TCF4: variants seen among roughly 807,000 people sequenced by gnomAD.
TCF4 encodes the protein transcription factor 4.
TCF4 carries 3 observed loss-of-function variants against 82.1 expected under a neutral mutation model. That is an observed-to-expected ratio of 0.04 (90% CI 0.02 to 0.09). TCF4 has a LOEUF of 0.09. Ranked by LOEUF, TCF4 falls within the 10% of genes least tolerant of loss-of-function variation. The probability of loss-of-function intolerance (pLI) is 1.00; values close to 1 mark genes in which losing one functional copy is unlikely to be tolerated. For synonymous variants in TCF4, 276 were observed against 309.6 expected, an observed-to-expected ratio of 0.89 and a Z score of 1.14; for missense variants, 518 against 852.7, an observed-to-expected ratio of 0.61 and a Z score of 4.89.
intron 3 of TCF4, among the ~76,000 whole-genome samples, chr18:55,479,799 C>A (rs2145495881): frequency 6.6e-6 from 1 of 152,270 alleles, no homozygotes; most frequent in East Asian, 1.9e-4. Flanking sequence ...ATTGTTTGTT[C>A]CAGCAATTAG....
chr18:55,393,472 C>A (rs2093304209), intron 6 of TCF4, among the ~76,000 whole-genome samples: 1 of 152,152 alleles, frequency 6.6e-6, no homozygotes, highest in Non-Finnish European at 1.5e-5. Context: ...ACTTCCTATT[C>A]TACCATTATG....
intron 2 of TCF4, among the ~76,000 whole-genome samples, chr18:55,597,876 A>C (rs1441390362): frequency 6.6e-6 from 1 of 152,118 alleles, no homozygotes; most frequent in Non-Finnish European, 1.5e-5. Flanking sequence ...TCCTCTCCTA[A>C]AGGAAGTCTT....
chr18:55,573,053 CA>C (rs886743445), intron 3 of TCF4, among the ~76,000 whole-genome samples: 123 of 135,892 alleles, frequency 9.1e-4, no homozygotes, highest in Non-Finnish European at 1.1e-3. Flanking sequence ...AACTCCGTCT[CA>C]AAAAAAAAAA....
chr18:55,354,416 C>A (rs1483332419), intron 6 of TCF4, among the ~76,000 whole-genome samples: 1 of 152,162 alleles, frequency 6.6e-6, no homozygotes, highest in Non-Finnish European at 1.5e-5. Flanking sequence ...AACCCTGCCC[C>A]CATTCCTTTT....
At chr18:55,261,005 G>A (rs942885610) in intron 12 of TCF4, 1 of 159,082 alleles carries the variant, frequency 6.3e-6, no homozygotes, top group Non-Finnish European at 1.4e-5. Flanking sequence ...GGTGGGCAAA[G>A]CAGAGAAGCT....
intron 8 of TCF4, among the ~76,000 whole-genome samples, chr18:55,344,156 A>T (rs1260866517): frequency 6.6e-6 from 1 of 152,188 alleles, no homozygotes; most frequent in Non-Finnish European, 1.5e-5. Flanking sequence ...CATTACTTTC[A>T]ATGAAAACCT....
At chr18:55,263,069 G>T (rs777416399) in intron 11 of TCF4, among the ~76,000 whole-genome samples, 1 of 152,132 alleles carries the variant, frequency 6.6e-6, no homozygotes, top group Non-Finnish European at 1.5e-5. Flanking sequence ...CTCCCAAAGT[G>T]CTGGGATTAC....
intron 6 of TCF4, among the ~76,000 whole-genome samples, chr18:55,388,176 G>A (rs551020176): frequency 4.6e-5 from 7 of 152,332 alleles, no homozygotes; most frequent in African/African-American, 1.4e-4. Flanking sequence ...AAGTAAACAT[G>A]AAGAGGAAAA....
chr18:55,577,144 A>G (rs2097535880), intron 3 of TCF4, among the ~76,000 whole-genome samples: 1 of 146,132 alleles, frequency 6.8e-6, no homozygotes, highest in Non-Finnish European at 1.5e-5. Flanking sequence ...ATATACATTT[A>G]TATATTTATA....
intron 6 of TCF4, among the ~76,000 whole-genome samples, chr18:55,381,451 G>A (rs1430365236): frequency 1.3e-5 from 2 of 152,220 alleles, no homozygotes; most frequent in Non-Finnish European, 2.9e-5. Context: ...TGCAATAGCT[G>A]AGCCTGCTGC....
chr18:55,360,625 T>C (rs1290937204), intron 6 of TCF4, among the ~76,000 whole-genome samples: 1 of 151,920 alleles, frequency 6.6e-6, no homozygotes, highest in Non-Finnish European at 1.5e-5. Flanking sequence ...CAACCATACA[T>C]AATATGTAAA....
chr18:55,553,104 G>C (rs2097274256), intron 3 of TCF4: 2 of 152,196 alleles, frequency 1.3e-5, no homozygotes, highest in African/African-American at 4.8e-5. Context: ...CACACACACA[G>C]ATCATTTCTA....
chr18:55,447,202 C>CAGGA (rs1417189610), intron 5 of TCF4, among the ~76,000 whole-genome samples: 1 of 151,032 alleles, frequency 6.6e-6, no homozygotes, highest in African/African-American at 2.4e-5. Context: ...TCCCTGCCAC[C>CAGGA]AGGAGGCCAA....
intron 3 of TCF4, among the ~76,000 whole-genome samples, chr18:55,559,034 TC>T (rs1307501863): frequency 1.7e-4 from 19 of 110,666 alleles, no homozygotes; most frequent in South Asian, 2.8e-4. Context: ...TGTATATATC[TC>T]CCCCCTAAAA....
rs117256205 is a variant in TCF4 at position 55,307,275 on chromosome 18, G to A, written c.550-27619C>T. On this transcript the variant is annotated intron_variant, in intron 8 of 19. Transcript: ENST00000354452. ...TAAAGTCCTTCACCTTAACTCAGAG[G>A]TAAATGACCTATGGTCTTATGACAA... Among the ~76,000 whole-genome samples, 212 of 152,252 alleles carry A rather than the reference G, an allele frequency of 1.4e-3. 8 individuals are homozygous for A. The East Asian group carries it at 0.038, about 27-fold the overall frequency.
At chr18:55,577,045 A>G (rs1013551929) in intron 3 of TCF4, among the ~76,000 whole-genome samples, 1 of 148,606 alleles carries the variant, frequency 6.7e-6, no homozygotes, top group African/African-American at 2.5e-5. Context: ...GCTAACATGG[A>G]GATATGAGAA....
intron 8 of TCF4, among the ~76,000 whole-genome samples, chr18:55,308,365 A>G (rs1195423458): frequency 6.6e-6 from 1 of 152,206 alleles, no homozygotes; most frequent in Non-Finnish European, 1.5e-5. Flanking sequence ...CATTACCCAA[A>G]TGGTGAATAT....
In TCF4 at chr18:55,228,986, C is replaced by G. The variant is rs1298431147; in HGVS notation, c.1740G>C (p.Arg580=). The part of the protein sequence containing the change: ...RMANNARERL[R]VRDINEAFKE... ...TGAAAGCCTCGTTGATGTCACGGAC[C>G]CGCAGACGCTCTCGGGCATTGTTGG... is the stretch of plus-strand genomic sequence containing the variant. The change falls in exon 18 of 20, where the codon CGG becomes CGC. Residue 580 remains arginine (R), a synonymous_variant. Transcript: ENST00000354452. 3.1e-6 allele frequency: 5 copies of G among 1,614,072 alleles called. No individual in the cohort carries two copies. Among genetic ancestry groups the G allele is most frequent in the African/African-American group, 1.3e-5 (1 of 74,930 alleles).
At chr18:55,601,466 GAA>G (rs10718664) in intron 2 of TCF4, among the ~76,000 whole-genome samples, 468 of 142,702 alleles carry the variant, frequency 3.3e-3, no homozygotes, top group Non-Finnish European at 4.3e-3. Flanking sequence ...CCATAACTGA[GAA>G]AAAAAAAAAA....
Sources: gnomAD v4.1 joint callset for allele counts (sites outside exome capture counted in the v4.1 genomes callset) on GRCh38, gnomAD v4.1.1 for gene constraint, MANE v1.5 for transcripts, NCBI Gene and HGNC (gene_info 2026-07-23, HGNC 2026-07-21) for gene names.